Variants in NKAIN3 observed in about 807,000 individuals in gnomAD.
The protein encoded by NKAIN3 is sodium/potassium-transporting ATPase subunit beta-1-interacting protein 3.
Under a neutral mutation model 30.2 loss-of-function variants are expected in NKAIN3, and 25 were observed. That is an observed-to-expected ratio of 0.83 (90% CI 0.60 to 1.16). The LOEUF (loss-of-function observed/expected upper bound fraction) is 1.16. Ranked by LOEUF, NKAIN3 falls within the 50% of genes most tolerant of loss-of-function variation. The pLI is 0.00. For missense variants in NKAIN3, 225 were observed against 254.1 expected, an observed-to-expected ratio of 0.89 and a Z score of 0.78; for synonymous variants, 91 against 89.6, an observed-to-expected ratio of 1.02 and a Z score of -0.09.
chr8:62,276,711 G>C (rs1027284634), intron 1 of NKAIN3, among the ~76,000 whole-genome samples: 2 of 152,124 alleles, frequency 1.3e-5, no homozygotes, highest in African/African-American at 4.8e-5. Flanking sequence ...GTTATGAAAG[G>C]TTAAACGTAA....
chr8:62,826,665 C>T (rs1241654591), intron 4 of NKAIN3, among the ~76,000 whole-genome samples: 1 of 152,150 alleles, frequency 6.6e-6, no homozygotes, highest in Admixed American at 6.5e-5. Context: ...AAGACAAAAA[C>T]CTGATCTCAT....
At position 62,994,235 on chromosome 8, in the gene NKAIN3, T is replaced by C. The variant is rs376031433; in HGVS notation, c.533-4996T>C. ...CAAATGCCTACCAGGGGAAAACTGC[T>C]TACATAAATTATGGTACTGCCATGC... On this transcript the variant is annotated intron_variant, in intron 5 of 5. Coordinates refer to the NKAIN3 transcript ENST00000519049. Among the ~76,000 whole-genome samples, 25 of 152,322 alleles carry C rather than the reference T, an allele frequency of 1.6e-4. No homozygotes were observed. The South Asian group carries it at 3.7e-3, about 23-fold the overall frequency.
intron 1 of NKAIN3, among the ~76,000 whole-genome samples, chr8:62,353,241 C>T (rs1816237233): frequency 6.6e-6 from 1 of 152,162 alleles, no homozygotes; most frequent in African/African-American, 2.4e-5. Context: ...AACTCTAAGA[C>T]AGGGTTAGTT....
chr8:62,807,864 G>C (rs1274474282), intron 4 of NKAIN3, among the ~76,000 whole-genome samples: 1 of 150,558 alleles, frequency 6.6e-6, no homozygotes, highest in Non-Finnish European at 1.5e-5. Context: ...TTATAAAAAT[G>C]ATTTATTGTT....
Position 62,693,902 on chromosome 8 carries a change from C to T in NKAIN3, c.274-53030C>T, listed in dbSNP as rs139347059. On this transcript the variant is annotated intron_variant, in intron 3 of 6. Transcript: ENST00000623646. ...ATGACTTGAGCTAAATCTGATCAAT[C>T]CTAGACAACAAAAAAGAAAAAAGTT... Among the ~76,000 whole-genome samples, 406 of 152,064 alleles carry T rather than the reference C, an allele frequency of 2.7e-3. 3 individuals are homozygous for T. Among genetic ancestry groups the T allele is most frequent in the African/African-American group, 9.4e-3 (391 of 41,490 alleles).
At chr8:62,427,211 C>G (rs1804834250) in intron 1 of NKAIN3, among the ~76,000 whole-genome samples, 1 of 152,010 alleles carries the variant, frequency 6.6e-6, no homozygotes, top group African/African-American at 2.4e-5. Context: ...AAATATATCA[C>G]AATTTTTGGA....
At chr8:62,403,802 G>A (rs1000658368) in intron 1 of NKAIN3, among the ~76,000 whole-genome samples, 1 of 152,346 alleles carries the variant, frequency 6.6e-6, no homozygotes, top group African/African-American at 2.4e-5. Context: ...CTGGGGCACT[G>A]CCTGGTGTAG....
intron 3 of NKAIN3, among the ~76,000 whole-genome samples, chr8:62,618,739 C>G (rs1811535704): frequency 6.6e-6 from 1 of 152,030 alleles, no homozygotes; most frequent in Non-Finnish European, 1.5e-5. Flanking sequence ...AAACCTGTCT[C>G]TCCTAAAAAT....
At chr8:62,841,974 C>G (rs557559239) in intron 4 of NKAIN3, among the ~76,000 whole-genome samples, 184 of 152,178 alleles carry the variant, frequency 1.2e-3, no homozygotes, top group African/African-American at 4.3e-3. Flanking sequence ...TGGTTGTTAT[C>G]TTTCATCTTT....
intron 4 of NKAIN3, among the ~76,000 whole-genome samples, chr8:62,775,189 A>G (rs1817150644): frequency 1.3e-5 from 2 of 152,052 alleles, no homozygotes; most frequent in African/African-American, 4.8e-5. Context: ...ATTTATTGTC[A>G]TATAATTGTT....
chr8:62,565,778 C>T lies in NKAIN3; in HGVS notation c.55-13761C>T, dbSNP rs141332803. Among the ~76,000 whole-genome samples, 5 of 152,044 alleles carry T rather than the reference C, an allele frequency of 3.3e-5. No homozygotes were observed. The South Asian group carries it at 8.3e-4, about 25-fold the overall frequency. On this transcript the variant is annotated intron_variant, in intron 1 of 6. Coordinates refer to ENST00000623646, the MANE Select transcript of NKAIN3 (RefSeq NM_001304533.3). ...CAAAAATGCATTTAATACACTGAAC[C>T]GAACCTACTGAGTGGTATAACTTAT...
intron 1 of NKAIN3, among the ~76,000 whole-genome samples, chr8:62,345,018 G>A (rs1028791770): frequency 4.0e-5 from 6 of 151,320 alleles, no homozygotes; most frequent in Non-Finnish European, 5.9e-5. Flanking sequence ...GATCTTTTAC[G>A]TCTTCGATTA....
At chr8:62,604,196 G>A (rs1186212682) in intron 3 of NKAIN3, among the ~76,000 whole-genome samples, 1 of 152,120 alleles carries the variant, frequency 6.6e-6, no homozygotes, top group Non-Finnish European at 1.5e-5. Context: ...GAACTGGCTG[G>A]TCCCAGTAGA....
At chr8:62,669,191 C>G (rs1463422485) in intron 3 of NKAIN3, among the ~76,000 whole-genome samples, 1 of 152,178 alleles carries the variant, frequency 6.6e-6, no homozygotes, top group Non-Finnish European at 1.5e-5. Context: ...CCACTTCTGC[C>G]CAACACAGAA....
chr8:62,963,392 C>A (rs1019620074), intron 6 of NKAIN3, among the ~76,000 whole-genome samples: 6 of 152,160 alleles, frequency 3.9e-5, no homozygotes, highest in Admixed American at 2.0e-4. Flanking sequence ...TGTTTCACTG[C>A]TTCACCAATC....
chr8:62,649,741 G>A (rs1450763676), intron 3 of NKAIN3, among the ~76,000 whole-genome samples: 5 of 152,072 alleles, frequency 3.3e-5, no homozygotes, highest in Non-Finnish European at 5.9e-5. Context: ...TGTTTAGAGT[G>A]CTCCTGGGAG....
intron 1 of NKAIN3, among the ~76,000 whole-genome samples, chr8:62,367,730 TCC>T (rs1816780839): frequency 6.6e-6 from 1 of 152,062 alleles, no homozygotes; most frequent in Non-Finnish European, 1.5e-5. Flanking sequence ...TAACTGGAAG[TCC>T]TAATCAGAGC....
At chr8:62,442,981 G>A (rs1203465897) in intron 1 of NKAIN3, among the ~76,000 whole-genome samples, 1 of 151,746 alleles carries the variant, frequency 6.6e-6, no homozygotes, top group African/African-American at 2.4e-5. Context: ...GTTTATTGAG[G>A]CTTCCTTTGA....
chr8:62,589,903 GTGTGTGTGTGTGTA>G (rs1810600851), intron 3 of NKAIN3, 109 bp downstream of exon 3: 4 of 254,590 alleles, frequency 1.6e-5, no homozygotes, highest in Admixed American at 5.9e-5. Flanking sequence ...GTGTGTGTGT[GTGTGTGTGTGTGTA>G]TAGAATGATA....
Sources: allele counts gnomAD v4.1 joint callset (sites outside exome capture counted in the v4.1 genomes callset), GRCh38; gene constraint gnomAD v4.1.1; transcripts MANE v1.5; gene names NCBI Gene and HGNC (gene_info 2026-07-23, HGNC 2026-07-21).